The following MECOM variants were observed in gnomAD, a reference collection of about 807,000 sequenced individuals.
MECOM encodes the protein histone-lysine N-methyltransferase MECOM.
MECOM carries 13 observed loss-of-function variants against 116.3 expected under a neutral mutation model. The observed-to-expected ratio is 0.11, with a 90% CI of 0.07 to 0.18. The LOEUF is 0.18. Among genes scored for constraint, MECOM ranks in the 10% least tolerant of loss-of-function variants. The pLI is 1.00. For missense variants in MECOM, 1,299 were observed against 1,509.0 expected (o/e 0.86, Z 2.31); for synonymous variants, 528 against 535.2 (o/e 0.99, Z 0.19).
intron 1 of MECOM, among the ~76,000 whole-genome samples, chr3:169,386,385 C>T (rs1733318125): frequency 6.6e-6 from 1 of 152,152 alleles, no homozygotes; most frequent in Non-Finnish European, 1.5e-5. Context: ...CTGAGACTAG[C>T]TGGGTGTCCA....
chr3:169,524,774 C>A (rs373198376), intron 1 of MECOM, among the ~76,000 whole-genome samples: 1 of 152,276 alleles, frequency 6.6e-6, no homozygotes, highest in East Asian at 1.9e-4. Context: ...AGCTTCGTTT[C>A]ATTCTGCAAA....
At chr3:169,264,964 T>TA (rs1017377636) in intron 2 of MECOM, among the ~76,000 whole-genome samples, 2 of 152,046 alleles carry the variant, frequency 1.3e-5, no homozygotes, top group African/African-American at 4.8e-5. Flanking sequence ...TTCGAGTAGT[T>TA]ACATTAGTCA....
At chr3:169,205,838 G>T (rs1183896276) in intron 2 of MECOM, among the ~76,000 whole-genome samples, 1 of 152,088 alleles carries the variant, frequency 6.6e-6, no homozygotes, top group African/African-American at 2.4e-5. Flanking sequence ...GCCAAATTAA[G>T]CCCCACAATA....
chr3:169,109,417 CT>C (rs3980922), intron 9 of MECOM, among the ~76,000 whole-genome samples: 86,967 of 141,594 alleles, frequency 0.61, 26,180 homozygotes, highest in African/African-American at 0.68. Flanking sequence ...ATTCATGTAT[CT>C]TTTTTTTTTT....
At chr3:169,563,369 CA>C (rs1233148970) in intron 1 of MECOM, among the ~76,000 whole-genome samples, 1 of 152,208 alleles carries the variant, frequency 6.6e-6, no homozygotes, top group Non-Finnish European at 1.5e-5. Context: ...ACTAAAGCAG[CA>C]GGTTTATTCA....
At chr3:169,516,415 C>T (rs7616087) in intron 1 of MECOM, among the ~76,000 whole-genome samples, 78,913 of 151,976 alleles carry the variant, frequency 0.52, 21,884 homozygotes, top group African/African-American at 0.73. Context: ...TATCTCATTG[C>T]TTATACTATG....
At chr3:169,099,070 T>C (rs868865498) in intron 12 of MECOM, among the ~76,000 whole-genome samples, 1 of 151,918 alleles carries the variant, frequency 6.6e-6, no homozygotes. Flanking sequence ...TGATTTTGTT[T>C]TCCTCATTTT....
chr3:169,388,321 A>G (rs1577951123), intron 1 of MECOM, among the ~76,000 whole-genome samples: 1 of 152,290 alleles, frequency 6.6e-6, no homozygotes, highest in Middle Eastern at 3.4e-3. Context: ...AAAGCAGAGG[A>G]CTTCGGGAGC....
intron 2 of MECOM, among the ~76,000 whole-genome samples, chr3:169,192,337 T>G (rs1747815664): frequency 1.3e-5 from 2 of 152,082 alleles, no homozygotes; most frequent in South Asian, 4.1e-4. Context: ...GTAACATCAT[T>G]CAGACATAAC....
At chr3:169,107,615 A>C (rs1226441529) in intron 10 of MECOM, among the ~76,000 whole-genome samples, 3 of 152,142 alleles carry the variant, frequency 2.0e-5, no homozygotes, top group Non-Finnish European at 4.4e-5. Context: ...TCACTTAGTG[A>C]CCCATTTCGA....
At chr3:169,404,757 C>A (rs972992208) in intron 1 of MECOM, among the ~76,000 whole-genome samples, 3 of 152,194 alleles carry the variant, frequency 2.0e-5, no homozygotes, top group Admixed American at 6.5e-5. Context: ...ACCCAGCGCA[C>A]AAGTATGATG....
At chr3:169,092,915 A>G in intron 14 of MECOM, 43 bp downstream of exon 14, 1 of 1,611,432 alleles carries the variant, frequency 6.2e-7, no homozygotes, top group Non-Finnish European at 8.5e-7. Context: ...AAACATGTTC[A>G]TTTCAGTCGT....
chr3:169,526,378 T>C (rs1453510123), intron 1 of MECOM, among the ~76,000 whole-genome samples: 3 of 152,114 alleles, frequency 2.0e-5, no homozygotes, highest in Non-Finnish European at 4.4e-5. Flanking sequence ...TTGACATTTT[T>C]ATTGCAATGA....
intron 12 of MECOM, among the ~76,000 whole-genome samples, chr3:169,097,514 T>C (rs779175636): frequency 6.6e-6 from 1 of 152,092 alleles, no homozygotes; most frequent in Non-Finnish European, 1.5e-5. Flanking sequence ...GAGATCATGA[T>C]GTAAAATAAA....
chr3:169,263,692 A>G (rs965279608), intron 2 of MECOM, among the ~76,000 whole-genome samples: 1 of 152,214 alleles, frequency 6.6e-6, no homozygotes, highest in Non-Finnish European at 1.5e-5. Flanking sequence ...GAATTAGACT[A>G]TCAGAGGTTA....
chr3:169,293,061 T>G (rs1214252945), intron 2 of MECOM, among the ~76,000 whole-genome samples: 4 of 152,106 alleles, frequency 2.6e-5, no homozygotes, highest in African/African-American at 7.2e-5. Context: ...AATAGGTACC[T>G]CCATGACTAG....
intron 1 of MECOM, among the ~76,000 whole-genome samples, chr3:169,539,246 T>C (rs933843247): frequency 8.5e-5 from 13 of 152,160 alleles, no homozygotes; most frequent in African/African-American, 3.1e-4. Context: ...ATTGTGCTAG[T>C]TTCCTCTCAG....
intron 2 of MECOM, among the ~76,000 whole-genome samples, chr3:169,341,498 T>C (rs1197703977): frequency 6.7e-6 from 1 of 149,942 alleles, no homozygotes; most frequent in Non-Finnish European, 1.5e-5. Flanking sequence ...GCCCAACACT[T>C]TGGGAGGCCG....
intron 2 of MECOM, among the ~76,000 whole-genome samples, chr3:169,327,742 A>G (rs989914598): frequency 6.6e-6 from 1 of 152,108 alleles, no homozygotes; most frequent in African/African-American, 2.4e-5. Flanking sequence ...GGCAATGTAT[A>G]TAATTCGATA....
Sources: allele counts gnomAD v4.1 joint callset (sites outside exome capture counted in the v4.1 genomes callset), GRCh38; gene constraint gnomAD v4.1.1; transcripts MANE v1.5; gene names NCBI Gene and HGNC (gene_info 2026-07-23, HGNC 2026-07-21).